Variants in ME3 observed in about 807,000 individuals in gnomAD.
ME3 encodes NADP-dependent malic enzyme, mitochondrial.
Under a neutral mutation model 68.9 loss-of-function variants are expected in ME3, and 48 were observed. That is an observed-to-expected ratio of 0.70 (90% CI 0.55 to 0.89). ME3 has a LOEUF of 0.89. Ranked by LOEUF, ME3 falls within the 40% of genes least tolerant of loss-of-function variation. The pLI is 0.00. For synonymous variants in ME3, 320 were observed against 318.8 expected, an observed-to-expected ratio of 1.00 and a Z score of -0.04; for missense variants, 675 against 797.4, an observed-to-expected ratio of 0.85 and a Z score of 1.85.
At chr11:86,473,128 C>G (rs1006029284) in intron 7 of ME3, among the ~76,000 whole-genome samples, 3 of 152,224 alleles carry the variant, frequency 2.0e-5, no homozygotes, top group Non-Finnish European at 4.4e-5. Context: ...CTGGGACACC[C>G]TGCATCCACG....
intron 2 of ME3, among the ~76,000 whole-genome samples, chr11:86,604,662 T>A (rs1170762134): frequency 7.9e-5 from 12 of 152,176 alleles, no homozygotes; most frequent in Admixed American, 7.9e-4. Context: ...CTCAACAAAT[T>A]AATGAGGCAG....
intron 2 of ME3, among the ~76,000 whole-genome samples, chr11:86,656,206 C>G (rs1419518055): frequency 1.3e-5 from 2 of 151,530 alleles, no homozygotes; most frequent in African/African-American, 4.9e-5. Flanking sequence ...CCTCAGGGAT[C>G]TAGAACTAGA....
intron 2 of ME3, among the ~76,000 whole-genome samples, chr11:86,635,573 G>A (rs1263098659): frequency 6.6e-6 from 1 of 152,192 alleles, no homozygotes; most frequent in Non-Finnish European, 1.5e-5. Flanking sequence ...CTCAAGAATA[G>A]ATTAAAGCCA....
intron 13 of ME3, among the ~76,000 whole-genome samples, chr11:86,445,180 C>T (rs1949216464): frequency 6.6e-6 from 1 of 152,230 alleles, no homozygotes. Context: ...GAACACCCAT[C>T]ATAGCAATGA....
intron 6 of ME3, among the ~76,000 whole-genome samples, chr11:86,490,408 G>T (rs1951930142): frequency 6.6e-6 from 1 of 152,100 alleles, no homozygotes; most frequent in South Asian, 2.1e-4. Flanking sequence ...GGGTGAAAGT[G>T]GTGCATACAT....
intron 4 of ME3, 122 bp from the exon 5 acceptor site, chr11:86,508,989 T>TCTTG: frequency 1.3e-6 from 1 of 763,966 alleles, no homozygotes; most frequent in Non-Finnish European, 2.2e-6. Flanking sequence ...CAAGAAAGAT[T>TCTTG]CCTGCCCGAG....
chr11:86,599,028 C>T (rs1214911717), intron 2 of ME3, among the ~76,000 whole-genome samples: 2 of 152,198 alleles, frequency 1.3e-5, no homozygotes, highest in Admixed American at 1.3e-4. Context: ...ACTGGAAACT[C>T]TAAAAAGCAG....
rs1322230171 is a variant in ME3 at position 86,600,678 on chromosome 11, C to A, written c.184-40855G>T. Among the ~76,000 whole-genome samples, 5 of 152,074 alleles carry A rather than the reference C, an allele frequency of 3.3e-5. No homozygotes were observed. In the South Asian group the frequency reaches 8.3e-4, roughly 25 times the overall value. On this transcript the variant is annotated intron_variant, in intron 2 of 14. Transcript: ENST00000543262. ...TTTTCAGCACTACACCACACCTATTCCAAAATTGACCACATAGTTGGAAGT... is the reference window on the plus strand; with the variant it reads ...TTTTCAGCACTACACCACACCTATTACAAAATTGACCACATAGTTGGAAGT...
intron 2 of ME3, among the ~76,000 whole-genome samples, chr11:86,612,967 G>T (rs747422465): frequency 7.9e-5 from 12 of 152,078 alleles, no homozygotes; most frequent in Non-Finnish European, 1.8e-4. Context: ...TGGTGTTTTA[G>T]TCATGAAGTC....
At chr11:86,605,350 G>A (rs1961468633) in intron 2 of ME3, among the ~76,000 whole-genome samples, 2 of 152,190 alleles carry the variant, frequency 1.3e-5, no homozygotes, top group African/African-American at 2.4e-5. Flanking sequence ...ACAATTAGAA[G>A]GCTGGATGTG....
At chr11:86,481,104 C>T (rs1209365810) in intron 7 of ME3, among the ~76,000 whole-genome samples, 1 of 151,862 alleles carries the variant, frequency 6.6e-6, no homozygotes, top group Non-Finnish European at 1.5e-5. Flanking sequence ...TGCAGCGATA[C>T]CATCATAGCT....
Position 86,556,648 on chromosome 11 carries a change from C to T in ME3, c.372G>A (p.Val124=), listed in dbSNP as rs1198201460. Residue 124 remains valine (V), a synonymous_variant, in exon 4 of 15, where the codon GTG becomes GTA. Transcript: ENST00000543262. ...TGAACTTCTCCACGTCCGAAGTCAG[C>T]ACTCGGTAGAAGAGCTTCTCGTTCC... 7 of 1,614,136 alleles carry T rather than the reference C, an allele frequency of 4.3e-6. No homozygotes were observed. In the South Asian group the frequency reaches 7.7e-5, roughly 18 times the overall value.
intron 2 of ME3, among the ~76,000 whole-genome samples, chr11:86,639,621 T>G (rs1203727380): frequency 6.6e-6 from 1 of 152,166 alleles, no homozygotes; most frequent in Non-Finnish European, 1.5e-5. Flanking sequence ...GCTAATTCTC[T>G]CTCAGATGAG....
chr11:86,548,009 T>C (rs1956465813), intron 4 of ME3, among the ~76,000 whole-genome samples: 1 of 152,200 alleles, frequency 6.6e-6, no homozygotes, highest in Non-Finnish European at 1.5e-5. Context: ...CTGTCTCCCA[T>C]TTAAGTAAGG....
intron 4 of ME3, among the ~76,000 whole-genome samples, chr11:86,516,200 A>G (rs1385726986): frequency 1.3e-5 from 2 of 152,336 alleles, no homozygotes; most frequent in African/African-American, 4.8e-5. Flanking sequence ...TTTCCTGTTT[A>G]CTTCAGGGAA....
intron 2 of ME3, among the ~76,000 whole-genome samples, chr11:86,624,827 G>T (rs1233418771): frequency 6.6e-6 from 1 of 152,208 alleles, no homozygotes; most frequent in Admixed American, 6.5e-5. Flanking sequence ...AGATCACAGA[G>T]GGTCTCATGT....
intron 2 of ME3, among the ~76,000 whole-genome samples, chr11:86,618,578 T>C (rs2135249088): frequency 6.6e-6 from 1 of 152,274 alleles, no homozygotes; most frequent in African/African-American, 2.4e-5. Flanking sequence ...TGGATATTTG[T>C]CCCTGCCCAA....
intron 2 of ME3, among the ~76,000 whole-genome samples, chr11:86,604,669 G>A (rs1961348209): frequency 2.0e-5 from 3 of 152,032 alleles, no homozygotes; most frequent in African/African-American, 7.2e-5. Flanking sequence ...AATTAATGAG[G>A]CAGATATTAT....
chr11:86,566,558 T>C (rs1241961409), intron 2 of ME3, among the ~76,000 whole-genome samples: 1 of 152,222 alleles, frequency 6.6e-6, no homozygotes, highest in African/African-American at 2.4e-5. Context: ...TCATCAGTTC[T>C]AAAGAAGAGA....
Sources: allele counts gnomAD v4.1 joint callset (sites outside exome capture counted in the v4.1 genomes callset), GRCh38; gene constraint gnomAD v4.1.1; transcripts MANE v1.5; gene names NCBI Gene and HGNC (gene_info 2026-07-23, HGNC 2026-07-21).